Variants in GSTA2 observed in about 807,000 individuals in gnomAD.
GSTA2 encodes the protein glutathione S-transferase A2.
A neutral mutation model predicts 22.4 loss-of-function variants in GSTA2; 27 were observed. The observed-to-expected ratio is 1.21, with a 90% CI of 0.89 to 1.67. The LOEUF (loss-of-function observed/expected upper bound fraction) is 1.67. Ranked by LOEUF, GSTA2 falls within the 40% of genes most tolerant of loss-of-function variation. GSTA2 has a pLI of 0.00. For synonymous variants in GSTA2, 121 were observed against 86.8 expected (o/e 1.39, Z -2.19); for missense variants, 302 against 260.2 (o/e 1.16, Z -1.11).
At chr6:52,760,509 G>T (rs1762933137) in intron 1 of GSTA2, among the ~76,000 whole-genome samples, 1 of 152,072 alleles carries the variant, frequency 6.6e-6, no homozygotes, top group African/African-American at 2.4e-5. Context: ...ACAACCCTGG[G>T]AAATGGCTCC....
intron 5 of GSTA2, among the ~76,000 whole-genome samples, chr6:52,752,145 G>C (rs1469897825): frequency 6.6e-6 from 1 of 152,202 alleles, no homozygotes; most frequent in African/African-American, 2.4e-5. Context: ...CCCAGAAGGA[G>C]ACTATTTCAG....
intron 1 of GSTA2, among the ~76,000 whole-genome samples, chr6:52,759,601 T>TTTTA (rs1762918515): frequency 9.4e-6 from 1 of 106,878 alleles, no homozygotes; most frequent in Non-Finnish European, 2.0e-5. Context: ...TTTTTTTTTT[T>TTTTA]GAGACAGAGT....
At chr6:52,752,533 T>C (rs1395826783) in intron 5 of GSTA2, among the ~76,000 whole-genome samples, 2 of 152,218 alleles carry the variant, frequency 1.3e-5, no homozygotes, top group African/African-American at 2.4e-5. Context: ...TGGGGTTCCA[T>C]AGACTGAACA....
rs760039462 is a variant in GSTA2, at chr6:52,755,084, G to T, written c.140-9C>A. Reference sequence around the variant, plus strand: ...GAACATCAAATATCCATCTTTAAGAGGAAGAAAAAAAAGGAGAGTGAAGTG... The same window carrying T: ...GAACATCAAATATCCATCTTTAAGATGAAGAAAAAAAAGGAGAGTGAAGTG... On this transcript the variant is annotated splice_polypyrimidine_tract_variant and intron_variant, in intron 3 of 6. Coordinates refer to ENST00000493422, the MANE Select transcript of GSTA2 (RefSeq NM_000846.5). 1.2e-6 allele frequency: 2 copies of T among 1,606,916 alleles called. No individual in the cohort carries two copies. Among genetic ancestry groups the T allele is most frequent in the African/African-American group, 2.7e-5 (2 of 74,172 alleles).
chr6:52,761,208 C>T (rs1398843894), intron 1 of GSTA2, among the ~76,000 whole-genome samples: 5 of 152,184 alleles, frequency 3.3e-5, no homozygotes, highest in Non-Finnish European at 4.4e-5. Flanking sequence ...GGTGTTTGCT[C>T]TTGTCCCAGT....
rs111561168 is a variant in GSTA2, at chr6:52,753,708, C to T, written c.273-713G>A. Among the ~76,000 whole-genome samples the T allele has an allele frequency of 6.4e-3, 977 of 152,292 alleles. 12 individuals carry two copies. Among genetic ancestry groups the T allele is most frequent in the African/African-American group, 0.022 (917 of 41,560 alleles). ...TTCACAATACTTTTTAAAACAAGAG[C>T]TTTACTGATGCATATTCACATACTA... On this transcript the variant is annotated intron_variant, in intron 4 of 6. Transcript: ENST00000493422.
intron 4 of GSTA2, among the ~76,000 whole-genome samples, chr6:52,753,461 T>G (rs1368287367): frequency 2.0e-5 from 3 of 152,178 alleles, no homozygotes; most frequent in African/African-American, 7.2e-5. Context: ...GCCATATTCC[T>G]TGTCCTCTCT....
At position 52,752,975 on chromosome 6, in the gene GSTA2, C is replaced by T; in HGVS notation, c.293G>A (p.Gly98Asp). The change falls in exon 5 of 7, where the codon GGT becomes GAT. Residue 98 changes from glycine (G) to aspartate (D), a missense_variant. By Grantham distance (94) the Gly-to-Asp change is moderately conservative. Transcript: ENST00000493422. ...EKALIDMYIE[G>D]IADLGEMILL... ...GATCATTTCACCCAAATCTGCTATA[C>T]CTTCTATATACATATCAATCCTGAA... The T allele has an allele frequency of 6.2e-7, 1 of 1,612,848 alleles. No homozygotes were observed. Among genetic ancestry groups the T allele is most frequent in the Non-Finnish European group, 8.5e-7 (1 of 1,179,158 alleles).
chr6:52,750,326 C>A lies in GSTA2; in HGVS notation c.*251G>T, dbSNP rs542482405. On this transcript the variant is annotated 3_prime_UTR_variant, in exon 7 of 7. Transcript: ENST00000493422. ...ACATAATTTATAGTTTCCATTTTTA[C>A]TGAATTTGTAATTCCAAGAAAATTG... 53 of 319,398 alleles carry A rather than the reference C, an allele frequency of 1.7e-4. 1 individual carries two copies. Among genetic ancestry groups the A allele is most frequent in the Admixed American group, 1.1e-3 (25 of 21,996 alleles). The allele number at this position is 319,398 out of a possible 1,614,324, so 19.8% of individuals were successfully genotyped here.
At chr6:52,751,537 G>C in intron 6 of GSTA2, 40 bp downstream of exon 6, 2 of 1,613,128 alleles carry the variant, frequency 1.2e-6, no homozygotes, top group Non-Finnish European at 1.7e-6. Flanking sequence ...CAAGATGGGA[G>C]ATGTGGGTCT....
chr6:52,762,584 C>T (rs895464512), intron 1 of GSTA2, among the ~76,000 whole-genome samples: 28 of 152,226 alleles, frequency 1.8e-4, no homozygotes, highest in African/African-American at 6.8e-4. Flanking sequence ...TGTCCTGCCA[C>T]ATCCCCCTCT....
intron 2 of GSTA2, among the ~76,000 whole-genome samples, chr6:52,757,537 G>A (rs1762866862): frequency 6.6e-6 from 1 of 152,152 alleles, no homozygotes; most frequent in Admixed American, 6.5e-5. Context: ...ATTATTTCAT[G>A]TCCTCAAATA....
chr6:52,756,987 A>G (rs1246754537), intron 2 of GSTA2, among the ~76,000 whole-genome samples: 2 of 143,178 alleles, frequency 1.4e-5, no homozygotes, highest in East Asian at 4.1e-4. Context: ...GTGTTCTAGA[A>G]GCCTCCTCCC....
intron 1 of GSTA2, among the ~76,000 whole-genome samples, chr6:52,759,312 G>C (rs1477866521): frequency 6.6e-6 from 1 of 152,186 alleles, no homozygotes; most frequent in Non-Finnish European, 1.5e-5. Context: ...GTGGTGGAAT[G>C]TAGCAGAGTA....
chr6:52,752,355 T>G (rs1389176327), intron 5 of GSTA2, among the ~76,000 whole-genome samples: 2 of 152,180 alleles, frequency 1.3e-5, no homozygotes, highest in Admixed American at 6.5e-5. Context: ...TAAAATGCAT[T>G]TTACAGAATC....
At chr6:52,759,462 C>T (rs562042199) in intron 1 of GSTA2, among the ~76,000 whole-genome samples, 1 of 151,868 alleles carries the variant, frequency 6.6e-6, no homozygotes, top group South Asian at 2.1e-4. Context: ...CACCAAACCC[C>T]CAGCTCTGTT....
chr6:52,753,277 G>A (rs905719000), intron 4 of GSTA2, among the ~76,000 whole-genome samples: 12 of 152,058 alleles, frequency 7.9e-5, no homozygotes, highest in Admixed American at 4.6e-4. Flanking sequence ...GAAGATCATC[G>A]GTGGTCACAG....
chr6:52,756,812 G>A (rs879475856), intron 2 of GSTA2, among the ~76,000 whole-genome samples: 3 of 152,252 alleles, frequency 2.0e-5, no homozygotes, highest in East Asian at 3.8e-4. Flanking sequence ...CGCCACTGTT[G>A]CACAGCTTTC....
chr6:52,754,481 T>C (rs1277536999), intron 4 of GSTA2, among the ~76,000 whole-genome samples: 1 of 152,152 alleles, frequency 6.6e-6, no homozygotes, highest in East Asian at 1.9e-4. Flanking sequence ...GTTGATATAA[T>C]TGGTTGGTAA....
Sources: allele counts gnomAD v4.1 joint callset (sites outside exome capture counted in the v4.1 genomes callset), GRCh38; gene constraint gnomAD v4.1.1; transcripts MANE v1.5; gene names NCBI Gene and HGNC (gene_info 2026-07-23, HGNC 2026-07-21).